Variants in BMAL1 observed in about 807,000 individuals in gnomAD.
BMAL1 encodes the protein basic helix-loop-helix ARNT like 1.
chr11:13,291,120 G>T, the BMAL1 span, among the ~76,000 whole-genome samples: 43 of 152,258 alleles, frequency 2.8e-4, no homozygotes, highest in Admixed American at 9.2e-4. Flanking sequence ...AAGAGTAACT[G>T]GTAGCTTGTA....
the BMAL1 span, among the ~76,000 whole-genome samples, chr11:13,365,019 C>T: frequency 6.6e-6 from 1 of 152,072 alleles, no homozygotes; most frequent in Non-Finnish European, 1.5e-5. Flanking sequence ...TGTTGAGAAC[C>T]ACTGTTTTAG....
the BMAL1 span, among the ~76,000 whole-genome samples, chr11:13,332,892 C>T: frequency 2.1e-4 from 32 of 151,948 alleles, no homozygotes; most frequent in Middle Eastern, 3.4e-3. Context: ...GGTCATAGCC[C>T]ATGGAGTTGG....
the BMAL1 span, among the ~76,000 whole-genome samples, chr11:13,311,332 G>A: frequency 1.3e-5 from 2 of 152,152 alleles, no homozygotes; most frequent in Admixed American, 6.5e-5. Context: ...ACTGTGGGAC[G>A]GGAAGACGAT....
the BMAL1 span, chr11:13,376,733 C>T: frequency 6.2e-7 from 1 of 1,612,916 alleles, no homozygotes; most frequent in East Asian, 2.2e-5. Context: ...GAGAAGGTAA[C>T]TATGTGCTGC....
chr11:13,320,985 G>A, the BMAL1 span, among the ~76,000 whole-genome samples: 31 of 152,328 alleles, frequency 2.0e-4, no homozygotes, highest in African/African-American at 6.7e-4. Flanking sequence ...ATCCACTAGA[G>A]ATAAAGTTAC....
At chr11:13,378,539 A>G in the BMAL1 span, 3 of 1,529,136 alleles carry the variant, frequency 2.0e-6, no homozygotes, top group South Asian at 1.2e-5. Context: ...GTCAGGAGAC[A>G]TTTTTGGTCT....
the BMAL1 span, among the ~76,000 whole-genome samples, chr11:13,361,543 A>T: frequency 6.6e-6 from 1 of 152,112 alleles, no homozygotes; most frequent in Admixed American, 6.5e-5. Flanking sequence ...TTGCATCATC[A>T]CTATCCATTT....
the BMAL1 span, chr11:13,381,082 T>C: frequency 1.2e-5 from 17 of 1,440,158 alleles, no homozygotes; most frequent in Middle Eastern, 3.5e-4. Context: ...CTTCATCCCC[T>C]TTCTCACCTT....
chr11:13,309,111 G>T, the BMAL1 span, among the ~76,000 whole-genome samples: 2 of 152,136 alleles, frequency 1.3e-5, no homozygotes, highest in Admixed American at 6.5e-5. Flanking sequence ...ATTAAAAATG[G>T]AGAGAGATTA....
At chr11:13,359,152 G>A in the BMAL1 span, among the ~76,000 whole-genome samples, 1 of 152,166 alleles carries the variant, frequency 6.6e-6, no homozygotes, top group Non-Finnish European at 1.5e-5. Flanking sequence ...CTTCTTTTCT[G>A]AGTGTGGGGA....
chr11:13,349,620 A>G, the BMAL1 span, among the ~76,000 whole-genome samples: 9 of 152,248 alleles, frequency 5.9e-5, no homozygotes, highest in African/African-American at 2.2e-4. Context: ...AGTAGGAGAA[A>G]TAAAAAACAC....
At chr11:13,294,626 A>G in the BMAL1 span, among the ~76,000 whole-genome samples, 1 of 152,256 alleles carries the variant, frequency 6.6e-6, no homozygotes, top group Non-Finnish European at 1.5e-5. Flanking sequence ...AAACAAGCCA[A>G]GGGCTTATAA....
At chr11:13,362,158 C>G in the BMAL1 span, among the ~76,000 whole-genome samples, 1 of 152,166 alleles carries the variant, frequency 6.6e-6, no homozygotes, top group African/African-American at 2.4e-5. Flanking sequence ...AAGTGACTCC[C>G]ACAACCCAAT....
At chr11:13,308,927 G>A in the BMAL1 span, among the ~76,000 whole-genome samples, 4 of 152,170 alleles carry the variant, frequency 2.6e-5, no homozygotes, top group East Asian at 5.8e-4. Context: ...GGGGAGGAGG[G>A]AAGAGAGAGT....
chr11:13,359,391 G>C, the BMAL1 span, among the ~76,000 whole-genome samples: 1 of 152,132 alleles, frequency 6.6e-6, no homozygotes, highest in Non-Finnish European at 1.5e-5. Flanking sequence ...AGAAGTAGCT[G>C]GTTTTGTCTG....
chr11:13,332,359 T>G, the BMAL1 span, among the ~76,000 whole-genome samples: 1 of 152,192 alleles, frequency 6.6e-6, no homozygotes, highest in Non-Finnish European at 1.5e-5. Context: ...CCTACACATA[T>G]TTGTTTTTCC....
the BMAL1 span, chr11:13,381,263 G>C: frequency 6.2e-7 from 1 of 1,613,290 alleles, no homozygotes; most frequent in African/African-American, 1.3e-5. Flanking sequence ...AGGTAAGACT[G>C]ATGATTCTTA....
At chr11:13,372,115 C>T in the BMAL1 span, 1 of 1,607,546 alleles carries the variant, frequency 6.2e-7, no homozygotes, top group Non-Finnish European at 8.5e-7. Context: ...TGTACACCTC[C>T]ATGGCCCAAA....
the BMAL1 span, among the ~76,000 whole-genome samples, chr11:13,311,410 G>C: frequency 3.9e-5 from 6 of 152,216 alleles, no homozygotes; most frequent in Non-Finnish European, 5.9e-5. Context: ...AGAGACCAGG[G>C]AGAACGGACC....
Sources: allele counts gnomAD v4.1 joint callset (sites outside exome capture counted in the v4.1 genomes callset), GRCh38; gene constraint gnomAD v4.1.1; transcripts MANE v1.5; gene names NCBI Gene and HGNC (gene_info 2026-07-23, HGNC 2026-07-21).